Variants in VIPAS39 observed in about 807,000 individuals in gnomAD.
VIPAS39 encodes VPS33B interacting protein, apical-basolateral polarity regulator, spe-39 homolog, also known as spermatogenesis-defective protein 39 homolog.
Under a neutral mutation model 84.7 loss-of-function variants are expected in VIPAS39, and 63 were observed. That is an observed-to-expected ratio of 0.74 (90% confidence interval 0.61 to 0.92). The LOEUF is 0.92. Among genes scored for constraint, VIPAS39 ranks in the 40% least tolerant of loss-of-function variants. VIPAS39 has a pLI of 0.00. For missense variants in VIPAS39, 499 were observed against 604.5 expected (o/e 0.83, Z 1.83); for synonymous variants, 192 against 216.5 (o/e 0.89, Z 0.99).
At position 77,427,643 on chromosome 14, in the gene VIPAS39, A is replaced by T. The variant is rs746537017; in HGVS notation, c.1462-7T>A. On this transcript the variant is annotated splice_polypyrimidine_tract_variant and splice_region_variant and intron_variant, in intron 19 of 19. Transcript: ENST00000557658. ...AATTCTTCCATCGAATTTGCTGTGGAAAGAGGAAACAATGAAAGTGTGTGA... is the reference window on the plus strand; with the variant it reads ...AATTCTTCCATCGAATTTGCTGTGGTAAGAGGAAACAATGAAAGTGTGTGA... 6.2e-7 allele frequency: 1 copy of T among 1,614,210 alleles called. No homozygotes were observed. The highest frequency in any genetic ancestry group is 1.1e-5 in the South Asian group (1 of 91,090).
intron 1 of VIPAS39, among the ~76,000 whole-genome samples, chr14:77,455,315 C>CA (rs968437907): frequency 6.6e-5 from 10 of 151,798 alleles, no homozygotes; most frequent in East Asian, 5.8e-4. Flanking sequence ...ACTGTCTCTA[C>CA]AAAAAAATTT....
At chr14:77,436,796 T>C (rs1311820994) in intron 12 of VIPAS39, among the ~76,000 whole-genome samples, 1 of 152,134 alleles carries the variant, frequency 6.6e-6, no homozygotes. Flanking sequence ...CAAAAAGTCA[T>C]GTGGTCAATG....
intron 14 of VIPAS39, 104 bp downstream of exon 14, chr14:77,435,155 A>G: frequency 6.4e-7 from 1 of 1,564,444 alleles, no homozygotes; most frequent in South Asian, 1.1e-5. Context: ...ATTTCTGAGA[A>G]CTATACATAC....
chr14:77,455,827 C>T (rs569387156), intron 1 of VIPAS39, among the ~76,000 whole-genome samples: 4 of 152,308 alleles, frequency 2.6e-5, no homozygotes, highest in African/African-American at 7.2e-5. Flanking sequence ...TCCCTTCTCA[C>T]GGCAGACATC....
intron 10 of VIPAS39, 105 bp from the exon 11 acceptor site, chr14:77,441,198 A>C: frequency 8.2e-7 from 1 of 1,213,928 alleles, no homozygotes; most frequent in Non-Finnish European, 1.2e-6. Context: ...ATTCAAACTC[A>C]TTTCCCTCTA....
chr14:77,448,794 GC>G (rs2078838118), intron 6 of VIPAS39, among the ~76,000 whole-genome samples: 1 of 152,160 alleles, frequency 6.6e-6, no homozygotes, highest in Admixed American at 6.5e-5. Context: ...AAAGCCAGTA[GC>G]CCCATGCCTA....
At chr14:77,428,585 C>G (rs1163807882) in intron 18 of VIPAS39, 111 bp from the exon 19 acceptor site, 4 of 865,704 alleles carry the variant, frequency 4.6e-6, no homozygotes, top group Non-Finnish European at 7.6e-6. Flanking sequence ...TCCTTAGGCT[C>G]CTGAGTAGCT....
intron 12 of VIPAS39, among the ~76,000 whole-genome samples, chr14:77,437,493 A>G (rs1221168088): frequency 6.6e-6 from 1 of 152,240 alleles, no homozygotes; most frequent in Non-Finnish European, 1.5e-5. Context: ...AGCTCATTTT[A>G]GTACCAAAGA....
At position 77,435,305 on chromosome 14, in the gene VIPAS39, A is replaced by G; in HGVS notation, c.1001T>C (p.Val334Ala). ...GAAGCAGGAGTAGAAAAGTGTTGTC[A>G]CTAGTGGCATGTTGAGGATGGAGGC... is the stretch of plus-strand genomic sequence containing the variant. ...RKASILNMPLVTTLFYSCFYH... is the reference protein window; with the variant it reads ...RKASILNMPLATTLFYSCFYH... Residue 334 changes from valine (V) to alanine (A), a missense_variant, in exon 14 of 20, where the codon GTG becomes GCG. Val to Ala is a moderately conservative substitution (Grantham distance 64, BLOSUM62 0). Transcript: ENST00000557658. 6.2e-7 allele frequency: 1 copy of G among 1,613,932 alleles called. No individual in the cohort carries two copies. Among genetic ancestry groups the G allele is most frequent in the Non-Finnish European group, 8.5e-7 (1 of 1,179,970 alleles).
intron 11 of VIPAS39, chr14:77,440,342 C>T (rs1002901177): frequency 1.3e-5 from 2 of 151,744 alleles, no homozygotes; most frequent in Non-Finnish European, 2.9e-5. Flanking sequence ...TTAATCTTAA[C>T]ACCTGGCCAT....
chr14:77,447,314 C>T (rs1470407290), intron 7 of VIPAS39, among the ~76,000 whole-genome samples: 9 of 150,588 alleles, frequency 6.0e-5, no homozygotes, highest in African/African-American at 2.0e-4. Context: ...CATGAACCAC[C>T]GTGCCCGGCC....
intron 16 of VIPAS39, among the ~76,000 whole-genome samples, chr14:77,430,454 T>G (rs965116936): frequency 6.6e-6 from 1 of 152,122 alleles, no homozygotes; most frequent in African/African-American, 2.4e-5. Flanking sequence ...CGGTGGCTCA[T>G]GTCTGTAATC....
At chr14:77,441,546 A>G (rs2078703426) in intron 10 of VIPAS39, among the ~76,000 whole-genome samples, 1 of 152,176 alleles carries the variant, frequency 6.6e-6, no homozygotes, top group African/African-American at 2.4e-5. Context: ...TGAATAGACC[A>G]CCATAATTAA....
At chr14:77,449,787 C>T in intron 4 of VIPAS39, 35 bp from the exon 5 acceptor site, 1 of 1,613,170 alleles carries the variant, frequency 6.2e-7, no homozygotes, top group Non-Finnish European at 8.5e-7. Flanking sequence ...AAAAGGTCAA[C>T]AGTTTCAATC....
Position 77,435,271 on chromosome 14 carries a change from G to T in VIPAS39, c.1035C>A (p.Tyr345Ter). ...TTLFYSCFYH[Y>*]TEAEGTFSSP... ...ATTTTGCCTGTACCTCAGCCTCTGT[G>T]TAGTGATAGAAGCAGGAGTAGAAAA... is the stretch of plus-strand genomic sequence containing the variant. Residue 345 changes from tyrosine (Y) to a stop codon, truncating the protein, a stop_gained, in exon 14 of 20, where the codon TAC becomes TAA. Coordinates refer to ENST00000557658, the MANE Select transcript of VIPAS39 (RefSeq NM_001193315.2). LOFTEE classifies it high-confidence loss of function. The T allele has an allele frequency of 6.2e-7, 1 of 1,614,170 alleles. No individual in the cohort carries two copies. The highest frequency in any genetic ancestry group is 2.2e-5 in the East Asian group (1 of 44,890).
At chr14:77,445,245 C>T (rs1288342413) in intron 7 of VIPAS39, among the ~76,000 whole-genome samples, 2 of 152,248 alleles carry the variant, frequency 1.3e-5, no homozygotes, top group Non-Finnish European at 2.9e-5. Context: ...AGGCGTGAGC[C>T]ACCATGCCCA....
chr14:77,433,961 G>C (rs767308056), intron 15 of VIPAS39, 30 bp from the exon 16 acceptor site: 44 of 1,607,450 alleles, frequency 2.7e-5, no homozygotes, highest in Non-Finnish European at 3.7e-5. Context: ...AAAAATTAAG[G>C]GGAAGTAGAA....
intron 4 of VIPAS39, among the ~76,000 whole-genome samples, chr14:77,450,635 T>C (rs1167409221): frequency 6.6e-6 from 1 of 152,190 alleles, no homozygotes; most frequent in East Asian, 1.9e-4. Context: ...CTCAGCCTCC[T>C]GAGCAGCTGG....
rs1324880325 is a variant in VIPAS39 at position 77,427,319 on chromosome 14, C to T, written c.*297G>A. The T allele has an allele frequency of 2.1e-6, 1 of 467,606 alleles. No homozygotes were observed. Among genetic ancestry groups the T allele is most frequent in the Admixed American group, 3.5e-5 (1 of 28,600 alleles). 29.0% of individuals were successfully genotyped at this position (467,606 alleles called of 1,614,324 possible). A position where few individuals can be genotyped will look rare whatever the true frequency, so the allele number is the denominator to read the frequency against. ...TCCTTTCTGGAGCAGTCACTTTTCT[C>T]AGACCAAGTGAGATCTTACCCAGTA... On this transcript the variant is annotated 3_prime_UTR_variant, in exon 20 of 20. Coordinates refer to ENST00000557658, the MANE Select transcript of VIPAS39 (RefSeq NM_001193315.2).
Sources: allele counts gnomAD v4.1 joint callset (sites outside exome capture counted in the v4.1 genomes callset), GRCh38; gene constraint gnomAD v4.1.1; transcripts MANE v1.5; gene names NCBI Gene and HGNC (gene_info 2026-07-23, HGNC 2026-07-21).